Variants in EDAR observed in about 807,000 individuals in gnomAD.
The protein encoded by EDAR is tumor necrosis factor receptor superfamily member EDAR.
Under a neutral mutation model 51.3 loss-of-function variants are expected in EDAR, and 38 were observed. The observed-to-expected ratio is 0.74, with a 90% confidence interval of 0.57 to 0.97. The LOEUF is 0.97. Ranked by LOEUF, EDAR falls within the 50% of genes least tolerant of loss-of-function variation. The pLI is 0.00. For missense variants in EDAR, 528 were observed against 595.0 expected, an observed-to-expected ratio of 0.89 and a Z score of 1.17; for synonymous variants, 227 against 242.1, an observed-to-expected ratio of 0.94 and a Z score of 0.58.
intron 1 of EDAR, among the ~76,000 whole-genome samples, chr2:108,985,474 A>G (rs772501422): frequency 2.0e-4 from 30 of 152,210 alleles, no homozygotes; most frequent in Admixed American, 2.6e-4. Flanking sequence ...AGGGCTCCTT[A>G]CGGCCCACCT....
chr2:108,975,859 G>A (rs903557244), intron 1 of EDAR, among the ~76,000 whole-genome samples: 3 of 152,178 alleles, frequency 2.0e-5, no homozygotes, highest in East Asian at 3.9e-4. Context: ...GCTGGACGGC[G>A]TTCTGTGGAT....
At chr2:108,961,250 A>G (rs959377409) in intron 1 of EDAR, among the ~76,000 whole-genome samples, 2 of 151,856 alleles carry the variant, frequency 1.3e-5, no homozygotes, top group African/African-American at 4.8e-5. Flanking sequence ...GATTCAGGAA[A>G]GGGAACAGTT....
chr2:108,979,339 T>A (rs901724720), intron 1 of EDAR, among the ~76,000 whole-genome samples: 3 of 152,172 alleles, frequency 2.0e-5, no homozygotes, highest in Non-Finnish European at 4.4e-5. Flanking sequence ...AACACTCTTG[T>A]TTGCTGGGGC....
rs903490347 is a variant in EDAR, at chr2:108,896,714, C to T, written c.*193G>A. The T allele has an allele frequency of 4.9e-5, 30 of 612,530 alleles. No individual in the cohort carries two copies. The highest frequency in any genetic ancestry group is 7.1e-5 in the Non-Finnish European group (25 of 350,846). 37.9% of individuals were successfully genotyped at this position (612,530 alleles called of 1,614,324 possible). ...TACAGGCGAGCATCTGAAAGTATCC[C>T]GGCTCTAGTCCTTTATCTTTGGTTA... On this transcript the variant is annotated 3_prime_UTR_variant, in exon 12 of 12. Transcript: ENST00000258443.
chr2:108,898,419 A>C (rs1351989323), intron 11 of EDAR, among the ~76,000 whole-genome samples: 1 of 152,154 alleles, frequency 6.6e-6, no homozygotes, highest in Non-Finnish European at 1.5e-5. Flanking sequence ...CCTTCACCCA[A>C]CAGTAGCAAG....
At position 108,981,172 on chromosome 2, in the gene EDAR, G is replaced by T. The variant is rs573291994; in HGVS notation, c.-19+7788C>A. 2.6e-5 allele frequency among the ~76,000 whole-genome samples: 4 copies of T among 152,316 alleles called. No individual in the cohort carries two copies. In the East Asian group the frequency reaches 7.7e-4, roughly 29 times the overall value. On this transcript the variant is annotated intron_variant, in intron 1 of 11. Coordinates refer to ENST00000258443, the MANE Select transcript of EDAR (RefSeq NM_022336.4). ...CTTCCCTCGGGGAACTGAAGTGACAGAAGTTACCCAGCAATGATGATCTGA... is the reference window on the plus strand; with the variant it reads ...CTTCCCTCGGGGAACTGAAGTGACATAAGTTACCCAGCAATGATGATCTGA...
chr2:108,918,932 C>T (rs1312008696), intron 5 of EDAR, among the ~76,000 whole-genome samples: 1 of 152,190 alleles, frequency 6.6e-6, no homozygotes, highest in African/African-American at 2.4e-5. Flanking sequence ...CCCCCAGTGG[C>T]AGATTCTGAA....
At chr2:108,911,837 A>C (rs1246796338) in intron 6 of EDAR, among the ~76,000 whole-genome samples, 1 of 152,212 alleles carries the variant, frequency 6.6e-6, no homozygotes, top group African/African-American at 2.4e-5. Context: ...AGAACCCCGC[A>C]TGTGGGCGCT....
intron 1 of EDAR, among the ~76,000 whole-genome samples, chr2:108,984,443 C>T (rs1574418317): frequency 6.6e-6 from 1 of 152,080 alleles, no homozygotes; most frequent in African/African-American, 2.4e-5. Flanking sequence ...TGCCACGGCC[C>T]GCTCAGGCTC....
chr2:108,979,080 G>A (rs1698377726), intron 1 of EDAR, among the ~76,000 whole-genome samples: 1 of 152,198 alleles, frequency 6.6e-6, no homozygotes, highest in South Asian at 2.1e-4. Flanking sequence ...CAGTGTTGTG[G>A]AAAACCAGAT....
chr2:108,957,265 C>T (rs1413239858), intron 1 of EDAR, among the ~76,000 whole-genome samples: 12 of 152,208 alleles, frequency 7.9e-5, no homozygotes, highest in Admixed American at 5.2e-4. Context: ...ACCTTCGCTT[C>T]GTGAGACAGA....
At chr2:108,909,579 C>T (rs1337124731) in intron 9 of EDAR, among the ~76,000 whole-genome samples, 1 of 152,242 alleles carries the variant, frequency 6.6e-6, no homozygotes, top group Non-Finnish European at 1.5e-5. Context: ...GGTGTCCTTC[C>T]AGGCGCAGCC....
chr2:108,984,690 G>T (rs1336371705), intron 1 of EDAR, among the ~76,000 whole-genome samples: 2 of 150,594 alleles, frequency 1.3e-5, no homozygotes, highest in African/African-American at 2.4e-5. Context: ...TAGTTTGTTT[G>T]TTTTTTTTTC....
intron 1 of EDAR, among the ~76,000 whole-genome samples, chr2:108,976,601 G>C (rs1211988383): frequency 1.3e-5 from 2 of 152,208 alleles, no homozygotes; most frequent in Non-Finnish European, 2.9e-5. Context: ...CTGCACGGGA[G>C]ACCTGCCTCT....
intron 1 of EDAR, among the ~76,000 whole-genome samples, chr2:108,977,663 C>T (rs988753596): frequency 2.0e-5 from 3 of 152,076 alleles, no homozygotes; most frequent in African/African-American, 7.2e-5. Context: ...CCTCCTGGGA[C>T]CCGGCTCTCA....
chr2:108,930,970 G>A lies in EDAR; in HGVS notation c.45C>T (p.Val15=). Residue 15 remains valine (V), a synonymous_variant, in exon 2 of 12, where the codon GTC becomes GTT. Transcript: ENST00000258443. ...GDCTQTPWLP[V]LVVSLMCSAR... is the part of the protein sequence containing the mutation. ...AGGGGCTCAGACCACTTACCACCAG[G>A]ACGGGGAGCCAGGGCGTCTGCGTGC... The A allele has an allele frequency of 6.2e-7, 1 of 1,613,978 alleles. No individual in the cohort carries two copies. Among genetic ancestry groups the A allele is most frequent in the Non-Finnish European group, 8.5e-7 (1 of 1,180,026 alleles).
intron 1 of EDAR, among the ~76,000 whole-genome samples, chr2:108,961,546 G>A (rs1698045615): frequency 6.6e-6 from 1 of 152,214 alleles, no homozygotes; most frequent in African/African-American, 2.4e-5. Flanking sequence ...ACATGCTGAA[G>A]GTTGAACTGC....
Position 108,929,270 on chromosome 2 carries a change from C to A in EDAR, c.284G>T (p.Gly95Val), listed in dbSNP as rs1697319468. The change falls in exon 4 of 12, where the codon GGC becomes GTC. Residue 95 changes from glycine (G) to valine (V), a missense_variant. Gly to Val is a moderately radical substitution (Grantham distance 109, BLOSUM62 -3). Transcript: ENST00000258443. ...TGTCAGCACGGTGGCCCGGAAGAAG[C>A]CCTCACAGTCTTTGTGACGCCTGCA... Reference protein sequence around the residue: ...QICRRHKDCEGFFRATVLTPG... With the variant: ...QICRRHKDCEVFFRATVLTPG... 6.2e-7 allele frequency: 1 copy of A among 1,614,174 alleles called. No individual in the cohort carries two copies. The highest frequency in any genetic ancestry group is 1.3e-5 in the African/African-American group (1 of 75,052).
chr2:108,970,271 C>T (rs1031163334), intron 1 of EDAR, among the ~76,000 whole-genome samples: 7 of 152,148 alleles, frequency 4.6e-5, no homozygotes, highest in African/African-American at 1.7e-4. Context: ...GTTAAAGAAG[C>T]TTCTTTACGA....
Sources: gnomAD v4.1 joint callset for allele counts (sites outside exome capture counted in the v4.1 genomes callset) on GRCh38, gnomAD v4.1.1 for gene constraint, MANE v1.5 for transcripts, NCBI Gene and HGNC (gene_info 2026-07-23, HGNC 2026-07-21) for gene names.